Variants in BBS9 observed in about 807,000 individuals in gnomAD.
BBS9 encodes the protein Bardet-Biedl syndrome 9, also known as protein PTHB1.
Under a neutral mutation model 117.7 loss-of-function variants are expected in BBS9, and 89 were observed. That is an observed-to-expected ratio of 0.76 (90% CI 0.64 to 0.90). The LOEUF (loss-of-function observed/expected upper bound fraction) is 0.90, where lower values mean the gene tolerates loss of function less well. BBS9 is among the 40% of genes least tolerant of loss of function. BBS9 has a pLI of 0.00. For synonymous variants in BBS9, 379 were observed against 370.9 expected, an observed-to-expected ratio of 1.02 and a Z score of -0.25; for missense variants, 982 against 1,042.2, an observed-to-expected ratio of 0.94 and a Z score of 0.80.
At chr7:33,519,999 G>A (rs1211390053) in intron 20 of BBS9, among the ~76,000 whole-genome samples, 1 of 151,688 alleles carries the variant, frequency 6.6e-6, no homozygotes, top group East Asian at 1.9e-4. Context: ...GCACATAAGA[G>A]GTCTGAAATA....
intron 5 of BBS9, among the ~76,000 whole-genome samples, chr7:33,208,516 G>C (rs1476102090): frequency 2.6e-5 from 4 of 152,190 alleles, no homozygotes; most frequent in African/African-American, 9.7e-5. Context: ...GGTTGGGTCT[G>C]TGCCTTCCAT....
chr7:33,590,704 T>C lies in BBS9; in HGVS notation c.2522-14161T>C, dbSNP rs138927373. 5.3e-5 allele frequency among the ~76,000 whole-genome samples: 8 copies of C among 152,074 alleles called. No homozygotes were observed. In the East Asian group the frequency reaches 7.8e-4, roughly 15 times the overall value. ...AATGCTTATTATTATAACACTTGTG[T>C]ATCATTTACTATGAGTCAGGCACCA... On this transcript the variant is annotated intron_variant, in intron 21 of 22. Coordinates refer to ENST00000242067, the MANE Select transcript of BBS9 (RefSeq NM_198428.3).
chr7:33,520,698 G>C (rs1848471053), intron 20 of BBS9, among the ~76,000 whole-genome samples: 1 of 152,168 alleles, frequency 6.6e-6, no homozygotes, highest in Admixed American at 6.5e-5. Context: ...GCAAGTCATA[G>C]TGTGAGATGG....
intron 19 of BBS9, among the ~76,000 whole-genome samples, chr7:33,499,675 G>C (rs1845185740): frequency 6.6e-6 from 1 of 152,196 alleles, no homozygotes; most frequent in Non-Finnish European, 1.5e-5. Context: ...TCTTGGGTCA[G>C]ATTGCTTGTA....
At chr7:33,393,538 T>C (rs1827427185) in intron 19 of BBS9, among the ~76,000 whole-genome samples, 1 of 152,162 alleles carries the variant, frequency 6.6e-6, no homozygotes, top group Admixed American at 6.5e-5. Flanking sequence ...ATAACAACTT[T>C]CTGATGAGTA....
chr7:33,216,515 T>A (rs1789093534), intron 5 of BBS9, among the ~76,000 whole-genome samples: 1 of 152,226 alleles, frequency 6.6e-6, no homozygotes, highest in Non-Finnish European at 1.5e-5. Flanking sequence ...AAGAATTGCC[T>A]TTTAATTGTG....
At chr7:33,468,842 C>T (rs1000842189) in intron 19 of BBS9, among the ~76,000 whole-genome samples, 6 of 152,118 alleles carry the variant, frequency 3.9e-5, no homozygotes, top group Non-Finnish European at 8.8e-5. Context: ...GAATTTCATT[C>T]TTTTTTGTGA....
In BBS9 at chr7:33,546,656, T is replaced by C. The variant is rs572272022; in HGVS notation, c.2521+12480T>C. Among the ~76,000 whole-genome samples, 15 of 152,320 alleles carry C rather than the reference T, an allele frequency of 9.8e-5. 1 individual carries two copies. The South Asian group carries it at 2.9e-3, about 29-fold the overall frequency. ...TACTCATTATTCTCCACACACAACA[T>C]GCATTTCAAGTTTCTATGCTTTTAA... is the stretch of plus-strand genomic sequence containing the variant. On this transcript the variant is annotated intron_variant, in intron 21 of 22. Coordinates refer to ENST00000242067, the MANE Select transcript of BBS9 (RefSeq NM_198428.3).
At chr7:33,279,815 A>G (rs1801477225) in intron 9 of BBS9, among the ~76,000 whole-genome samples, 1 of 152,232 alleles carries the variant, frequency 6.6e-6, no homozygotes, top group Non-Finnish European at 1.5e-5. Context: ...CACAGGTTAC[A>G]GAATCAGAAG....
chr7:33,402,016 T>A (rs2128792985), intron 19 of BBS9, among the ~76,000 whole-genome samples: 1 of 152,324 alleles, frequency 6.6e-6, no homozygotes, highest in East Asian at 1.9e-4. Context: ...ACTTTATGGT[T>A]TGTAGAGTGT....
intron 5 of BBS9, among the ~76,000 whole-genome samples, chr7:33,253,489 G>C (rs1013041580): frequency 1.3e-5 from 2 of 152,156 alleles, no homozygotes; most frequent in Non-Finnish European, 2.9e-5. Context: ...TGGCGAGCTT[G>C]TAATCTCAAT....
chr7:33,273,151 A>T lies in BBS9; in HGVS notation c.842A>T (p.Lys281Met). Residue 281 changes from lysine to methionine, a missense_variant, in exon 8 of 23, where the codon AAG becomes ATG. Coordinates refer to ENST00000242067, the MANE Select transcript of BBS9 (RefSeq NM_198428.3). The part of the protein sequence containing the change: ...LKDNGQIRFM[K>M]KLDWSPSCFL... ...GATAATGGACAAATTCGATTCATGA[A>T]GAAGCTTGATTGGAGCCCAAGTTGT... 1 of 1,613,742 alleles carries T rather than the reference A, an allele frequency of 6.2e-7. No homozygotes were observed.
At chr7:33,183,409 C>T (rs568099805) in intron 5 of BBS9, among the ~76,000 whole-genome samples, 14 of 152,240 alleles carry the variant, frequency 9.2e-5, no homozygotes, top group East Asian at 1.9e-4. Flanking sequence ...TTAAAATGTA[C>T]GTATAACTTG....
chr7:33,556,167 G>A (rs1563355058), intron 21 of BBS9, among the ~76,000 whole-genome samples: 1 of 152,168 alleles, frequency 6.6e-6, no homozygotes, highest in Non-Finnish European at 1.5e-5. Context: ...TTATTAGACA[G>A]CAAGTCTCTC....
chr7:33,338,530 T>C (rs773066651), intron 10 of BBS9, among the ~76,000 whole-genome samples: 12 of 152,292 alleles, frequency 7.9e-5, no homozygotes, highest in South Asian at 6.2e-4. Flanking sequence ...TTAAAAGTGT[T>C]TTCAAAGGAA....
At chr7:33,286,963 A>G (rs957370816) in intron 9 of BBS9, among the ~76,000 whole-genome samples, 4 of 152,198 alleles carry the variant, frequency 2.6e-5, no homozygotes, top group Admixed American at 1.3e-4. Context: ...TTTTGATAAC[A>G]TAAGATTTAT....
intron 21 of BBS9, among the ~76,000 whole-genome samples, chr7:33,589,062 G>A (rs1861438271): frequency 6.6e-6 from 1 of 152,132 alleles, no homozygotes; most frequent in African/African-American, 2.4e-5. Context: ...AGACTATAGT[G>A]GGGGTCAGAG....
intron 19 of BBS9, among the ~76,000 whole-genome samples, chr7:33,453,095 A>G (rs1362297618): frequency 6.6e-6 from 1 of 152,238 alleles, no homozygotes; most frequent in Non-Finnish European, 1.5e-5. Flanking sequence ...AAAATCTTCC[A>G]TATGACTGAA....
intron 19 of BBS9, among the ~76,000 whole-genome samples, chr7:33,496,232 G>A (rs1017508083): frequency 2.0e-5 from 3 of 152,154 alleles, no homozygotes; most frequent in African/African-American, 4.8e-5. Flanking sequence ...TGGGCCAGGC[G>A]TGGTGGCTCT....
Sources: allele counts gnomAD v4.1 joint callset (sites outside exome capture counted in the v4.1 genomes callset), GRCh38; gene constraint gnomAD v4.1.1; transcripts MANE v1.5; gene names NCBI Gene and HGNC (gene_info 2026-07-23, HGNC 2026-07-21).